Variants in PREP observed in about 807,000 individuals in gnomAD.
PREP encodes the protein prolyl endopeptidase, also known as dJ355L5.1 (prolyl endopeptidase).
In PREP, 29 loss-of-function variants were observed where a neutral mutation model predicts 87.6. The observed-to-expected ratio is 0.33, with a 90% CI of 0.25 to 0.45. The LOEUF is 0.45. PREP is among the 20% of genes least tolerant of loss of function. The pLI is 1.00. For synonymous variants in PREP, 337 were observed against 328.6 expected (o/e 1.03, Z -0.28); for missense variants, 695 against 886.5 (o/e 0.78, Z 2.74).
At chr6:105,387,559 T>C (rs1432883762) in intron 2 of PREP, among the ~76,000 whole-genome samples, 1 of 141,114 alleles carries the variant, frequency 7.1e-6, no homozygotes, top group African/African-American at 2.7e-5. Flanking sequence ...AGAAGAATTG[T>C]CACAGGCCAC....
chr6:105,321,105 C>A (rs1770993603), intron 10 of PREP, among the ~76,000 whole-genome samples: 1 of 152,162 alleles, frequency 6.6e-6, no homozygotes. Context: ...CGAAAGAATT[C>A]TATTTTAATA....
At chr6:105,402,354 G>C (rs1221213549) in intron 1 of PREP, among the ~76,000 whole-genome samples, 2 of 151,926 alleles carry the variant, frequency 1.3e-5, no homozygotes, top group East Asian at 3.9e-4. Flanking sequence ...GAACGAATAT[G>C]CTTCAACTCT....
At chr6:105,360,213 GCTT>G (rs1183630201) in intron 6 of PREP, among the ~76,000 whole-genome samples, 1 of 152,152 alleles carries the variant, frequency 6.6e-6, no homozygotes, top group East Asian at 1.9e-4. Flanking sequence ...TAAGAATGTG[GCTT>G]TGTGCTGTGA....
chr6:105,400,484 C>A (rs2114741239), intron 1 of PREP, among the ~76,000 whole-genome samples: 1 of 152,298 alleles, frequency 6.6e-6, no homozygotes, highest in East Asian at 1.9e-4. Flanking sequence ...TCCAGGCCTG[C>A]ATAGCTATGG....
intron 1 of PREP, among the ~76,000 whole-genome samples, chr6:105,398,599 C>T (rs978929404): frequency 6.6e-6 from 1 of 152,110 alleles, no homozygotes; most frequent in Non-Finnish European, 1.5e-5. Context: ...ATTCAGGTTA[C>T]CATGATATTG....
Position 105,279,664 on chromosome 6 carries a change from T to A in PREP, c.1839-1226A>T, listed in dbSNP as rs898482662. Among the ~76,000 whole-genome samples, 3 of 152,156 alleles carry A rather than the reference T, an allele frequency of 2.0e-5. No homozygotes were observed. The East Asian group carries it at 5.8e-4, about 29-fold the overall frequency. On this transcript the variant is annotated intron_variant, in intron 14 of 14. Transcript: ENST00000652536. Reference sequence around the variant, plus strand: ...GGGAGGTGTGCTGGGCTTGAGGAGCTCCCTGTAGGACCCTTCCTAGCTAGT... The same window carrying A: ...GGGAGGTGTGCTGGGCTTGAGGAGCACCCTGTAGGACCCTTCCTAGCTAGT...
intron 7 of PREP, among the ~76,000 whole-genome samples, chr6:105,339,126 C>T (rs1771562593): frequency 6.6e-6 from 1 of 152,236 alleles, no homozygotes; most frequent in Non-Finnish European, 1.5e-5. Flanking sequence ...AAGTGGGAGG[C>T]ACCTCCCAGT....
intron 10 of PREP, among the ~76,000 whole-genome samples, chr6:105,319,074 G>GA (rs1389927913): frequency 6.6e-6 from 1 of 152,192 alleles, no homozygotes; most frequent in Non-Finnish European, 1.5e-5. Context: ...CCCAAGGCAT[G>GA]TTGGTAAAGC....
chr6:105,311,108 T>G (rs1478046976), intron 10 of PREP, among the ~76,000 whole-genome samples: 1 of 152,232 alleles, frequency 6.6e-6, no homozygotes, highest in Non-Finnish European at 1.5e-5. Flanking sequence ...CAGTCACCAC[T>G]CTAGCCTGGG....
intron 10 of PREP, among the ~76,000 whole-genome samples, chr6:105,301,425 C>T (rs1279037317): frequency 1.3e-5 from 2 of 152,200 alleles, no homozygotes; most frequent in Non-Finnish European, 2.9e-5. Flanking sequence ...GGGCAAACTC[C>T]GTGCTTCAGT....
rs1429680843 is a variant in PREP at position 105,328,943 on chromosome 6, T to G, written c.1099A>C (p.Thr367Pro). 5.0e-6 allele frequency: 8 copies of G among 1,614,114 alleles called. No individual in the cohort carries two copies. Among genetic ancestry groups the G allele is most frequent in the Non-Finnish European group, 6.8e-6 (8 of 1,180,018 alleles). ...VKNILQLHDLTTGALLKTFPL... is the reference protein window; with the variant it reads ...VKNILQLHDLPTGALLKTFPL... ...AAGGTCTTAAGGAGAGCACCAGTAGTCAGGTCATGGAGCTGCAGAATGTTC... is the reference window on the plus strand; with the variant it reads ...AAGGTCTTAAGGAGAGCACCAGTAGGCAGGTCATGGAGCTGCAGAATGTTC... The change falls in exon 9 of 15, where the codon ACT becomes CCT. Residue 367 changes from threonine (T) to proline (P), a missense_variant. This residue lies in a region of PREP where 517 missense variants were observed against 620.3 expected (regional missense o/e 0.83). Transcript: ENST00000652536.
At chr6:105,353,946 T>C (rs2114685357) in intron 6 of PREP, among the ~76,000 whole-genome samples, 1 of 152,254 alleles carries the variant, frequency 6.6e-6, no homozygotes, top group African/African-American at 2.4e-5. Context: ...CTTTCCTTGT[T>C]AGTATAAACA....
intron 10 of PREP, among the ~76,000 whole-genome samples, chr6:105,291,789 A>G (rs1299874785): frequency 1.3e-5 from 2 of 152,242 alleles, no homozygotes; most frequent in Admixed American, 1.3e-4. Context: ...ACTTCTTTCA[A>G]AATTGGAGTC....
At chr6:105,302,907 A>G (rs1583044132) in intron 10 of PREP, 2 of 230,046 alleles carry the variant, frequency 8.7e-6, no homozygotes, top group East Asian at 2.8e-4. Flanking sequence ...AGCTTACCTC[A>G]GGTCCGGAGC....
At chr6:105,296,890 A>C (rs1167608248) in intron 10 of PREP, among the ~76,000 whole-genome samples, 3 of 152,202 alleles carry the variant, frequency 2.0e-5, no homozygotes, top group African/African-American at 7.2e-5. Context: ...GAGCTCCAAC[A>C]ATCTGCTCTA....
chr6:105,402,192 T>C (rs1380027133), intron 1 of PREP, among the ~76,000 whole-genome samples: 1 of 152,124 alleles, frequency 6.6e-6, no homozygotes. Context: ...TCAACTCCTT[T>C]TCTTGTTTAA....
At chr6:105,368,300 G>A (rs1772446978) in intron 6 of PREP, among the ~76,000 whole-genome samples, 2 of 152,146 alleles carry the variant, frequency 1.3e-5, no homozygotes, top group African/African-American at 4.8e-5. Context: ...TTTACTCCAA[G>A]TACCCCTAAG....
Position 105,340,061 on chromosome 6 carries a change from G to A in PREP, c.824-6556C>T, listed in dbSNP as rs138812519. On this transcript the variant is annotated intron_variant, in intron 7 of 14. Transcript: ENST00000652536. ...AGAGAACGCCACAGAGATACTCCTC[G>A]AGAAGAGAAACTCCAAGGCACATAA... 5.3e-3 allele frequency among the ~76,000 whole-genome samples: 804 copies of A among 152,034 alleles called. 12 individuals are homozygous for A. The highest frequency in any genetic ancestry group is 0.018 in the African/African-American group (751 of 41,420).
At chr6:105,295,233 G>A (rs1199961688) in intron 10 of PREP, among the ~76,000 whole-genome samples, 3 of 148,206 alleles carry the variant, frequency 2.0e-5, no homozygotes, top group Non-Finnish European at 4.4e-5. Context: ...CCCTCACAGG[G>A]TCCATCTGCT....
Sources: gnomAD v4.1 joint callset for allele counts (sites outside exome capture counted in the v4.1 genomes callset) on GRCh38, gnomAD v4.1.1 for gene constraint, gnomAD v4.1.1 regional missense constraint, MANE v1.5 for transcripts, NCBI Gene and HGNC (gene_info 2026-07-23, HGNC 2026-07-21) for gene names.